Variants in CRYBA4 observed in about 807,000 individuals in gnomAD.
CRYBA4 encodes beta-crystallin A4.
A neutral mutation model predicts 31.7 loss-of-function variants in CRYBA4; 30 were observed. The ratio of observed to expected loss-of-function variants is 0.95; its 90% CI spans 0.71 to 1.28. CRYBA4 has a LOEUF of 1.28. Ranked by LOEUF, CRYBA4 falls within the 50% of genes most tolerant of loss-of-function variation. CRYBA4 has a pLI of 0.00. For missense variants in CRYBA4, 225 were observed against 260.7 expected (o/e 0.86, Z 0.94); for synonymous variants, 102 against 102.3 (o/e 1.00, Z 0.02).
chr22:26,616,648 C>T, the CRYBA4 span, among the ~76,000 whole-genome samples: 3 of 152,238 alleles, frequency 2.0e-5, no homozygotes, highest in Non-Finnish European at 4.4e-5. Flanking sequence ...CTGCTTATCA[C>T]ACTGATTTGC....
At chr22:26,595,433 G>A in the CRYBA4 span, among the ~76,000 whole-genome samples, 1 of 152,054 alleles carries the variant, frequency 6.6e-6, no homozygotes, top group Admixed American at 6.6e-5. Context: ...CAAAAAATTA[G>A]CCAGGCATGG....
At chr22:26,616,200 G>A in the CRYBA4 span, 1 of 1,614,174 alleles carries the variant, frequency 6.2e-7, no homozygotes, top group Non-Finnish European at 8.5e-7. Flanking sequence ...CGGTTGTTGG[G>A]GCCAGGGTAG....
rs202194283 is a variant in CRYBA4, at chr22:26,630,326, T to C, written c.444-14T>C. 1 of 1,614,072 alleles carries C rather than the reference T, an allele frequency of 6.2e-7. No homozygotes were observed. The highest frequency in any genetic ancestry group is 2.2e-5 in the East Asian group (1 of 44,890). Reference sequence around the variant, plus strand: ...GTCTCTGTAGAGTAACTGTCTGCCTTTTCTCTTTTCCAGCTGGGTTTGCTC... The same window carrying C: ...GTCTCTGTAGAGTAACTGTCTGCCTCTTCTCTTTTCCAGCTGGGTTTGCTC... On this transcript the variant is annotated splice_polypyrimidine_tract_variant and intron_variant, in intron 5 of 5. Coordinates refer to ENST00000354760, the MANE Select transcript of CRYBA4 (RefSeq NM_001886.3).
At chr22:26,607,163 C>T in the CRYBA4 span, among the ~76,000 whole-genome samples, 1 of 151,760 alleles carries the variant, frequency 6.6e-6, no homozygotes, top group African/African-American at 2.4e-5. Flanking sequence ...GCTGGGATTA[C>T]AGGCATGCGC....
the CRYBA4 span, among the ~76,000 whole-genome samples, chr22:26,598,433 G>A: frequency 6.6e-6 from 1 of 151,838 alleles, no homozygotes; most frequent in African/African-American, 2.4e-5. Flanking sequence ...CTGGAGTCCA[G>A]TGGCATGATC....
At chr22:26,593,948 A>G in the CRYBA4 span, among the ~76,000 whole-genome samples, 5 of 152,188 alleles carry the variant, frequency 3.3e-5, no homozygotes, top group Non-Finnish European at 5.9e-5. Context: ...CATTTTACAG[A>G]TGTGGAAACA....
At chr22:26,591,466 CAA>C in the CRYBA4 span, among the ~76,000 whole-genome samples, 10 of 112,270 alleles carry the variant, frequency 8.9e-5, no homozygotes, top group South Asian at 3.1e-4. Context: ...GACTCTGTCT[CAA>C]AAAAAAAAAA....
chr22:26,616,242 G>A, the CRYBA4 span: 2 of 1,614,088 alleles, frequency 1.2e-6, no homozygotes, highest in Non-Finnish European at 1.7e-6. Flanking sequence ...CTGCAGGTGG[G>A]GCCCCCTTCC....
the CRYBA4 span, among the ~76,000 whole-genome samples, chr22:26,603,901 G>A: frequency 6.6e-6 from 1 of 152,152 alleles, no homozygotes; most frequent in East Asian, 1.9e-4. Flanking sequence ...TCCAGCCTGG[G>A]TGACAGAGCA....
At chr22:26,594,408 C>G in the CRYBA4 span, among the ~76,000 whole-genome samples, 1 of 152,176 alleles carries the variant, frequency 6.6e-6, no homozygotes, top group Non-Finnish European at 1.5e-5. Flanking sequence ...TGGGCTTATG[C>G]TCCAATGTCT....
chr22:26,607,867 C>A, the CRYBA4 span: 1 of 1,614,046 alleles, frequency 6.2e-7, no homozygotes, highest in East Asian at 2.2e-5. Flanking sequence ...GATTCTCCAG[C>A]CCCAGCCGGA....
At position 26,628,338 on chromosome 22, in the gene CRYBA4, C is replaced by T. The variant is rs1239994071; in HGVS notation, c.351C>T (p.Gly117=). 2 of 1,613,842 alleles carry T rather than the reference C, an allele frequency of 1.2e-6. No individual in the cohort carries two copies. Among genetic ancestry groups the T allele is most frequent in the Non-Finnish European group, 1.7e-6 (2 of 1,179,996 alleles). Residue 117 remains glycine (G), a synonymous_variant, in exon 5 of 6, where the codon GGC becomes GGT. Coordinates refer to ENST00000354760, the MANE Select transcript of CRYBA4 (RefSeq NM_001886.3). Reference sequence around the variant, plus strand: ...TCTTCGAGCAAGAGAACTTCCTGGGCAAGAAAGGAGAGCTGAGCGATGACT... The same window carrying T: ...TCTTCGAGCAAGAGAACTTCCTGGGTAAGAAAGGAGAGCTGAGCGATGACT... ...LTIFEQENFL[G]KKGELSDDYP...
At chr22:26,596,583 TTC>T in the CRYBA4 span, 4 of 152,254 alleles carry the variant, frequency 2.6e-5, no homozygotes, top group African/African-American at 9.6e-5. Context: ...TTGGTATTAT[TTC>T]TCTTTTTCCT....
intron 3 of CRYBA4, among the ~76,000 whole-genome samples, chr22:26,623,941 A>G (rs1929623560): frequency 6.6e-6 from 1 of 152,258 alleles, no homozygotes; most frequent in Admixed American, 6.5e-5. Flanking sequence ...TTTCAGAGCC[A>G]CTGGCCAGAT....
chr22:26,623,204 G>C (rs776344230), intron 2 of CRYBA4, 30 bp from the exon 3 acceptor site: 1 of 1,577,896 alleles, frequency 6.3e-7, no homozygotes, highest in Non-Finnish European at 8.7e-7. Flanking sequence ...CTCTGATGCG[G>C]ATCTCCACCT....
upstream of CRYBA4, among the ~76,000 whole-genome samples, chr22:26,617,152 G>C (rs567596226): frequency 5.4e-4 from 82 of 152,304 alleles, no homozygotes; most frequent in Non-Finnish European, 9.8e-4. Context: ...GCATGTGGAG[G>C]GTTCTGAAAA....
the CRYBA4 span, among the ~76,000 whole-genome samples, chr22:26,597,634 C>T: frequency 6.6e-6 from 1 of 152,156 alleles, no homozygotes; most frequent in East Asian, 1.9e-4. Context: ...CCCCGTTCCA[C>T]CAGGCTGTCT....
At chr22:26,608,092 C>T in the CRYBA4 span, 1 of 1,611,218 alleles carries the variant, frequency 6.2e-7, no homozygotes, top group South Asian at 1.1e-5. Flanking sequence ...CCCTACTTGC[C>T]TTTCTCTCTC....
At chr22:26,601,821 C>G in the CRYBA4 span, 2 of 1,609,894 alleles carry the variant, frequency 1.2e-6, no homozygotes, top group South Asian at 1.1e-5. Flanking sequence ...GGGGAGCAGC[C>G]TCTGATTCTG....
Sources: allele counts gnomAD v4.1 joint callset (sites outside exome capture counted in the v4.1 genomes callset), GRCh38; gene constraint gnomAD v4.1.1; transcripts MANE v1.5; gene names NCBI Gene and HGNC (gene_info 2026-07-23, HGNC 2026-07-21).